Variants in PXDNL observed in about 807,000 individuals in gnomAD.
PXDNL encodes the protein peroxidasin like, also known as probable oxidoreductase PXDNL.
A neutral mutation model predicts 150.8 loss-of-function variants in PXDNL; 145 were observed. The observed-to-expected ratio is 0.96, with a 90% confidence interval of 0.84 to 1.10. The LOEUF is 1.10. Among genes scored for constraint, PXDNL ranks in the 50% least tolerant of loss-of-function variants. PXDNL has a pLI of 0.00. For synonymous variants in PXDNL, 757 were observed against 725.7 expected (o/e 1.04, Z -0.69); for missense variants, 2,087 against 1,873.9 (o/e 1.11, Z -2.10).
At chr8:51,548,902 C>A (rs1812420685) in intron 4 of PXDNL, among the ~76,000 whole-genome samples, 1 of 152,114 alleles carries the variant, frequency 6.6e-6, no homozygotes, top group African/African-American at 2.4e-5. Flanking sequence ...GCACAAAAAT[C>A]CAACAGCCAA....
At chr8:51,746,845 C>A (rs1376373889) in intron 1 of PXDNL, among the ~76,000 whole-genome samples, 1 of 152,094 alleles carries the variant, frequency 6.6e-6, no homozygotes, top group Admixed American at 6.5e-5. Context: ...CCTCAGCCTC[C>A]CAAGTAGCTG....
intron 14 of PXDNL, 108 bp from the exon 15 acceptor site, chr8:51,413,366 A>T: frequency 1.6e-6 from 1 of 643,960 alleles, no homozygotes. Context: ...TACATTTAAA[A>T]CCTCTAAGAC....
intron 19 of PXDNL, among the ~76,000 whole-genome samples, chr8:51,346,394 C>T (rs1375844060): frequency 6.6e-5 from 10 of 152,106 alleles, no homozygotes; most frequent in Admixed American, 6.5e-4. Flanking sequence ...TTTAAGATAC[C>T]CCCTGTTGCA....
chr8:51,644,583 C>T (rs1814875057), intron 2 of PXDNL, among the ~76,000 whole-genome samples: 1 of 148,940 alleles, frequency 6.7e-6, no homozygotes, highest in East Asian at 2.0e-4. Flanking sequence ...CCTCAGCCTC[C>T]CAAGTAGCTG....
intron 5 of PXDNL, among the ~76,000 whole-genome samples, chr8:51,489,210 A>G (rs1030972387): frequency 1.3e-5 from 2 of 152,248 alleles, no homozygotes; most frequent in African/African-American, 4.8e-5. Context: ...ATAAATAATT[A>G]AAGAGAATCT....
intron 3 of PXDNL, among the ~76,000 whole-genome samples, chr8:51,573,659 T>C (rs1452336783): frequency 6.6e-6 from 1 of 151,994 alleles, no homozygotes; most frequent in African/African-American, 2.4e-5. Flanking sequence ...TACCTGCACC[T>C]GACAATAACG....
At chr8:51,624,119 A>AAC (rs1279429255) in intron 2 of PXDNL, among the ~76,000 whole-genome samples, 1 of 150,280 alleles carries the variant, frequency 6.7e-6, no homozygotes, top group Non-Finnish European at 1.5e-5. Flanking sequence ...AAAAAAAAAA[A>AAC]AAAATCCACA....
At chr8:51,610,045 TC>T (rs1813965973) in intron 2 of PXDNL, among the ~76,000 whole-genome samples, 1 of 152,190 alleles carries the variant, frequency 6.6e-6, no homozygotes, top group Non-Finnish European at 1.5e-5. Context: ...CCATTTTTTT[TC>T]AACACGCAGC....
chr8:51,760,646 A>G (rs1475970308), intron 1 of PXDNL, among the ~76,000 whole-genome samples: 1 of 152,186 alleles, frequency 6.6e-6, no homozygotes, highest in African/African-American at 2.4e-5. Context: ...GTGGCATTTT[A>G]AAACTTTAGC....
intron 2 of PXDNL, among the ~76,000 whole-genome samples, chr8:51,606,999 C>T (rs1177026972): frequency 6.6e-6 from 1 of 152,170 alleles, no homozygotes; most frequent in Non-Finnish European, 1.5e-5. Flanking sequence ...CCAGGAAGAA[C>T]TCACATCACC....
rs565740617 is a variant in PXDNL at position 51,779,919 on chromosome 8, C to T, written c.164+29262G>A. On this transcript the variant is annotated intron_variant, in intron 1 of 22. Transcript: ENST00000356297. ...TAGTCACCAGACAGCTTGTTAGAAA[C>T]GCAGAGCCTCAGCCTGGTGTGGTGG... Among the ~76,000 whole-genome samples, 226 of 152,198 alleles carry T rather than the reference C, an allele frequency of 1.5e-3. 1 individual carries two copies. The highest frequency in any genetic ancestry group is 4.9e-3 in the African/African-American group (205 of 41,530).
chr8:51,609,575 A>G (rs916371726), intron 2 of PXDNL, among the ~76,000 whole-genome samples: 2 of 152,232 alleles, frequency 1.3e-5, no homozygotes, highest in Non-Finnish European at 2.9e-5. Flanking sequence ...ACATGGTGAT[A>G]GAGATGAATA....
intron 1 of PXDNL, among the ~76,000 whole-genome samples, chr8:51,787,002 TGCCC>T (rs2037466296): frequency 6.6e-6 from 1 of 151,650 alleles, no homozygotes; most frequent in African/African-American, 2.4e-5. Flanking sequence ...ACTTAGCCTA[TGCCC>T]TAGAAATGGA....
chr8:51,385,727 T>A (rs146389119), intron 17 of PXDNL, among the ~76,000 whole-genome samples: 2 of 152,278 alleles, frequency 1.3e-5, no homozygotes, highest in Admixed American at 1.3e-4. Context: ...GGGGATCTGG[T>A]GGAAGATAAC....
intron 8 of PXDNL, among the ~76,000 whole-genome samples, chr8:51,466,279 A>G (rs1488665675): frequency 1.3e-5 from 2 of 152,184 alleles, no homozygotes; most frequent in Non-Finnish European, 2.9e-5. Context: ...AACAAAGTCA[A>G]CAAAACTAAG....
chr8:51,701,327 C>A (rs1391872946), intron 1 of PXDNL, among the ~76,000 whole-genome samples: 1 of 152,104 alleles, frequency 6.6e-6, no homozygotes, highest in African/African-American at 2.4e-5. Context: ...CTTCACCCAA[C>A]CTGCATTATA....
chr8:51,624,856 A>G (rs2130742343), intron 2 of PXDNL, among the ~76,000 whole-genome samples: 1 of 151,890 alleles, frequency 6.6e-6, no homozygotes, highest in South Asian at 2.1e-4. Context: ...GGAATTATGT[A>G]TATTTGATGG....
At chr8:51,598,095 T>C (rs935369777) in intron 2 of PXDNL, among the ~76,000 whole-genome samples, 2 of 152,226 alleles carry the variant, frequency 1.3e-5, no homozygotes, top group Middle Eastern at 3.2e-3. Flanking sequence ...GTATGTTTAT[T>C]TTGTATCCTG....
At chr8:51,398,283 C>T (rs995324883) in intron 17 of PXDNL, among the ~76,000 whole-genome samples, 1 of 152,204 alleles carries the variant, frequency 6.6e-6, no homozygotes. Context: ...AGGCTGCCAT[C>T]CCAGTTCCGG....
Sources: allele counts gnomAD v4.1 joint callset (sites outside exome capture counted in the v4.1 genomes callset), GRCh38; gene constraint gnomAD v4.1.1; transcripts MANE v1.5; gene names NCBI Gene and HGNC (gene_info 2026-07-23, HGNC 2026-07-21).